Variants in PTPRC observed in about 807,000 individuals in gnomAD.
PTPRC encodes the protein receptor-type tyrosine-protein phosphatase C.
Under a neutral mutation model 155.9 loss-of-function variants are expected in PTPRC, and 44 were observed. The ratio of observed to expected loss-of-function variants is 0.28; its 90% CI spans 0.22 to 0.36. PTPRC has a LOEUF of 0.36. Ranked by LOEUF, PTPRC falls within the 10% of genes least tolerant of loss-of-function variation. PTPRC has a pLI of 1.00. For missense variants in PTPRC, 1,401 were observed against 1,564.6 expected (o/e 0.90, Z 1.76); for synonymous variants, 525 against 533.1 (o/e 0.98, Z 0.21).
chr1:198,703,612 C>T, intron 7 of PTPRC: 1 of 639,402 alleles, frequency 1.6e-6, no homozygotes, highest in Non-Finnish European at 2.7e-6. Flanking sequence ...GAGAAACAAC[C>T]ACATCTACTA....
chr1:198,679,891 C>T, intron 2 of PTPRC: 1 of 615,040 alleles, frequency 1.6e-6, no homozygotes, highest in Non-Finnish European at 2.9e-6. Context: ...CCATGAAATG[C>T]TGGTGGGTCT....
chr1:198,717,154 T>C (rs1464577583), intron 13 of PTPRC, among the ~76,000 whole-genome samples: 1 of 152,246 alleles, frequency 6.6e-6, no homozygotes, highest in Non-Finnish European at 1.5e-5. Flanking sequence ...TGCTGTTGTC[T>C]TTACTATCTG....
chr1:198,678,874 A>G (rs1378754916), intron 2 of PTPRC, among the ~76,000 whole-genome samples: 1 of 151,398 alleles, frequency 6.6e-6, no homozygotes, highest in Non-Finnish European at 1.5e-5. Flanking sequence ...TTTCATATTA[A>G]TTTGATGACC....
intron 2 of PTPRC, chr1:198,679,892 T>C (rs1341099824): frequency 4.9e-6 from 3 of 616,458 alleles, no homozygotes; most frequent in Non-Finnish European, 8.6e-6. Flanking sequence ...CATGAAATGC[T>C]GGTGGGTCTG....
At chr1:198,724,276 A>G (rs1026341978) in intron 15 of PTPRC, among the ~76,000 whole-genome samples, 2 of 152,206 alleles carry the variant, frequency 1.3e-5, no homozygotes, top group African/African-American at 4.8e-5. Context: ...GTGAATTGCT[A>G]GGGTACAGCT....
chr1:198,644,511 C>A (rs1405670188), intron 2 of PTPRC, among the ~76,000 whole-genome samples: 1 of 151,798 alleles, frequency 6.6e-6, no homozygotes, highest in Admixed American at 6.6e-5. Context: ...AATATTTAAT[C>A]TTCATTCCTG....
Position 198,752,598 on chromosome 1 carries a change from A to C in PTPRC, c.3335A>C (p.Lys1112Thr), listed in dbSNP as rs749257364. Residue 1112 changes from lysine (K) to threonine (T), a missense_variant, in exon 31 of 33, where the codon AAA (lysine) becomes ACA (threonine). Physicochemically the swap from Lys to Thr is moderately conservative, Grantham distance 78 (BLOSUM62 -1). Around this residue, in one of 3 missense-constraint regions of PTPRC, gnomAD observed 400 missense variants for 389.5 expected, o/e 1.03. Transcript: ENST00000442510. ...RVFELRHSKR[K>T]DSRTVYQYQY... is the part of the protein sequence containing the mutation. Reference sequence around the variant, plus strand: ...TCTCTTCAATTCTGATTTTAGAGGAAAGACTCTCGAACTGTGTACCAGTAC... The same window carrying C: ...TCTCTTCAATTCTGATTTTAGAGGACAGACTCTCGAACTGTGTACCAGTAC... The C allele has an allele frequency of 3.1e-6, 5 of 1,611,938 alleles. No individual in the cohort carries two copies. In the African/African-American group the frequency reaches 6.7e-5, roughly 22 times the overall value.
chr1:198,692,114 T>C (rs1665959697), intron 2 of PTPRC, among the ~76,000 whole-genome samples: 1 of 152,116 alleles, frequency 6.6e-6, no homozygotes, highest in African/African-American at 2.4e-5. Flanking sequence ...GTTATGTTTC[T>C]GATTTAGCCT....
At chr1:198,649,611 A>G (rs753366214) in intron 2 of PTPRC, among the ~76,000 whole-genome samples, 4 of 151,858 alleles carry the variant, frequency 2.6e-5, no homozygotes, top group Non-Finnish European at 5.9e-5. Context: ...GGAGACTTCC[A>G]ATGATGAAAA....
chr1:198,709,520 G>T (rs998000792), intron 10 of PTPRC, among the ~76,000 whole-genome samples, 167 bp from the exon 11 acceptor site: 2 of 151,888 alleles, frequency 1.3e-5, no homozygotes, highest in African/African-American at 4.8e-5. Context: ...TTTCATAAAA[G>T]TTGAATGTAA....
chr1:198,738,189 G>A (rs1474300306), intron 23 of PTPRC, among the ~76,000 whole-genome samples: 1 of 151,502 alleles, frequency 6.6e-6, no homozygotes, highest in Non-Finnish European at 1.5e-5. Context: ...ACTTCCAGTT[G>A]AACAACAGTG....
At chr1:198,714,548 T>C (rs965808180) in intron 12 of PTPRC, among the ~76,000 whole-genome samples, 1 of 152,158 alleles carries the variant, frequency 6.6e-6, no homozygotes, top group East Asian at 1.9e-4. Flanking sequence ...GTGTGTTTTC[T>C]TTTCTCCAAA....
At chr1:198,739,907 C>T (rs976169972) in intron 23 of PTPRC, among the ~76,000 whole-genome samples, 8 of 151,524 alleles carry the variant, frequency 5.3e-5, no homozygotes, top group Non-Finnish European at 1.2e-4. Flanking sequence ...AAATCAATAA[C>T]AAGAATAAGT....
intron 6 of PTPRC, 151 bp from the exon 7 acceptor site, chr1:198,703,147 T>G: frequency 2.9e-6 from 3 of 1,027,044 alleles, no homozygotes; most frequent in Non-Finnish European, 4.3e-6. Context: ...TTGATTCACT[T>G]TATTATTTTA....
chr1:198,658,311 A>G (rs1571792136), intron 2 of PTPRC, among the ~76,000 whole-genome samples: 1 of 152,174 alleles, frequency 6.6e-6, no homozygotes, highest in African/African-American at 2.4e-5. Context: ...CATGTTTTGT[A>G]TAGATAGACT....
At chr1:198,647,636 C>T (rs1311398531) in intron 2 of PTPRC, among the ~76,000 whole-genome samples, 1 of 151,626 alleles carries the variant, frequency 6.6e-6, no homozygotes, top group African/African-American at 2.4e-5. Flanking sequence ...CCAAGTAAAC[C>T]TTGATTATTC....
rs1288494648 is a variant in PTPRC, at chr1:198,737,380, A to T, written c.2403+2128A>T. 4.0e-5 allele frequency among the ~76,000 whole-genome samples: 6 copies of T among 151,728 alleles called. No homozygotes were observed. In the East Asian group the frequency reaches 9.7e-4, roughly 25 times the overall value. On this transcript the variant is annotated intron_variant, in intron 23 of 32. Coordinates refer to ENST00000442510, the MANE Select transcript of PTPRC (RefSeq NM_002838.5). The stretch of plus-strand genomic sequence containing the variant: ...ATTTAATGTTTGTATACAGCAAGAG[A>T]TAGGGCTTTAGTTTCATTCTTCCAC...
chr1:198,750,155 A>G (rs1251314041), intron 28 of PTPRC, among the ~76,000 whole-genome samples: 2 of 152,004 alleles, frequency 1.3e-5, no homozygotes, highest in African/African-American at 4.8e-5. Context: ...TAGTATAGAC[A>G]CGATGAAGGT....
intron 2 of PTPRC, among the ~76,000 whole-genome samples, chr1:198,688,192 G>A (rs1346406171): frequency 6.6e-6 from 1 of 152,068 alleles, no homozygotes; most frequent in Non-Finnish European, 1.5e-5. Context: ...AAATCACTCA[G>A]TGGAGGAATT....
Sources: allele counts gnomAD v4.1 joint callset (sites outside exome capture counted in the v4.1 genomes callset), GRCh38; gene constraint gnomAD v4.1.1; regional missense constraint gnomAD v4.1.1; transcripts MANE v1.5; gene names NCBI Gene and HGNC (gene_info 2026-07-23, HGNC 2026-07-21).